The following AHCYL2 variants were observed in gnomAD, a reference collection of about 807,000 sequenced individuals.
AHCYL2 encodes S-adenosylhomocysteine hydrolase-like protein 2.
Under a neutral mutation model 81.4 loss-of-function variants are expected in AHCYL2, and 28 were observed. The observed-to-expected ratio is 0.34, with a 90% CI of 0.25 to 0.47. The LOEUF (loss-of-function observed/expected upper bound fraction) is 0.47. Ranked by LOEUF, AHCYL2 falls within the 20% of genes least tolerant of loss-of-function variation. AHCYL2 has a pLI of 1.00. For missense variants in AHCYL2, 551 were observed against 785.1 expected, an observed-to-expected ratio of 0.70 and a Z score of 3.56; for synonymous variants, 272 against 290.2, an observed-to-expected ratio of 0.94 and a Z score of 0.64.
chr7:129,361,221 G>A (rs191324466), intron 1 of AHCYL2, among the ~76,000 whole-genome samples: 6 of 152,228 alleles, frequency 3.9e-5, no homozygotes, highest in African/African-American at 1.4e-4. Context: ...GAGATATTAC[G>A]GAGTACATGT....
intron 1 of AHCYL2, among the ~76,000 whole-genome samples, chr7:129,271,380 G>T (rs1185970859): frequency 6.3e-5 from 8 of 126,028 alleles, no homozygotes; most frequent in Admixed American, 5.6e-4. Context: ...AAAAAAAAAA[G>T]AGTTTTAAAA....
chr7:129,370,743 C>T (rs1794367638), intron 1 of AHCYL2, among the ~76,000 whole-genome samples: 1 of 152,184 alleles, frequency 6.6e-6, no homozygotes, highest in African/African-American at 2.4e-5. Flanking sequence ...CAGCTCTGCT[C>T]TGTTCTGTTT....
chr7:129,360,549 C>T (rs1793896580), intron 1 of AHCYL2, among the ~76,000 whole-genome samples: 1 of 152,198 alleles, frequency 6.6e-6, no homozygotes, highest in Non-Finnish European at 1.5e-5. Flanking sequence ...TGGAAAGAGA[C>T]AAATGATCAA....
chr7:129,381,089 G>C (rs1274686932), intron 2 of AHCYL2, among the ~76,000 whole-genome samples: 1 of 152,092 alleles, frequency 6.6e-6, no homozygotes, highest in Admixed American at 6.6e-5. Context: ...TTCACAAACT[G>C]GTTAATGTAA....
At chr7:129,357,672 C>T (rs1051708753) in intron 1 of AHCYL2, among the ~76,000 whole-genome samples, 4 of 152,310 alleles carry the variant, frequency 2.6e-5, no homozygotes, top group Admixed American at 6.5e-5. Flanking sequence ...CAGTGGCTCA[C>T]GCCTGTAATC....
At chr7:129,340,217 T>C (rs1453030651) in intron 1 of AHCYL2, among the ~76,000 whole-genome samples, 5 of 146,008 alleles carry the variant, frequency 3.4e-5, no homozygotes, top group South Asian at 2.3e-4. Context: ...CCACCGCGCC[T>C]GGCCCCTTTT....
chr7:129,377,503 G>A (rs145149619), intron 1 of AHCYL2: 3 of 455,542 alleles, frequency 6.6e-6, no homozygotes, highest in Middle Eastern at 3.3e-4. Flanking sequence ...GTCCCTTGTC[G>A]CAATACTCAA....
At chr7:129,327,803 AT>A (rs1264756497) in intron 1 of AHCYL2, among the ~76,000 whole-genome samples, 2 of 148,758 alleles carry the variant, frequency 1.3e-5, no homozygotes, top group East Asian at 4.1e-4. Flanking sequence ...TATTATTATT[AT>A]TTTTTTTCAG....
chr7:129,422,034 C>G (rs1226160744), intron 12 of AHCYL2, among the ~76,000 whole-genome samples: 1 of 152,222 alleles, frequency 6.6e-6, no homozygotes, highest in African/African-American at 2.4e-5. Context: ...AACTCACTTT[C>G]TATTTTAGGC....
At chr7:129,307,051 G>A (rs1419483967) in intron 1 of AHCYL2, among the ~76,000 whole-genome samples, 1 of 152,182 alleles carries the variant, frequency 6.6e-6, no homozygotes. Context: ...GGTCAGTCCT[G>A]AAGCCAGTAA....
intron 2 of AHCYL2, among the ~76,000 whole-genome samples, chr7:129,387,385 G>C (rs535783653): frequency 6.6e-6 from 1 of 152,318 alleles, no homozygotes; most frequent in East Asian, 1.9e-4. Flanking sequence ...AAACGGATCA[G>C]CTCCACTTTA....
chr7:129,363,727 AG>A, intron 1 of AHCYL2, among the ~76,000 whole-genome samples: 1 of 152,076 alleles, frequency 6.6e-6, no homozygotes, highest in East Asian at 1.9e-4. Context: ...TAGTAGAGAC[AG>A]GGTTTCACCA....
chr7:129,337,776 T>G (rs1798656899), intron 1 of AHCYL2, among the ~76,000 whole-genome samples: 2 of 151,678 alleles, frequency 1.3e-5, no homozygotes, highest in Admixed American at 1.3e-4. Context: ...GGAGTTTTGC[T>G]CTTGTTGCCC....
chr7:129,265,652 A>G (rs1043877569), intron 1 of AHCYL2, among the ~76,000 whole-genome samples: 1 of 152,176 alleles, frequency 6.6e-6, no homozygotes, highest in Non-Finnish European at 1.5e-5. Flanking sequence ...AGCCAGTGTC[A>G]TGTATGGTGT....
At chr7:129,414,250 G>A (rs190011372) in intron 12 of AHCYL2, among the ~76,000 whole-genome samples, 123 of 152,182 alleles carry the variant, frequency 8.1e-4, no homozygotes, top group African/African-American at 2.9e-3. Context: ...TGTGTCTGCA[G>A]GTGTCATAAT....
intron 1 of AHCYL2, among the ~76,000 whole-genome samples, chr7:129,360,396 G>A (rs760707139): frequency 2.0e-5 from 3 of 152,176 alleles, no homozygotes; most frequent in Non-Finnish European, 4.4e-5. Flanking sequence ...GATTACAGGC[G>A]TGAGCCACCA....
At chr7:129,349,902 A>G (rs966560571) in intron 1 of AHCYL2, among the ~76,000 whole-genome samples, 2 of 152,204 alleles carry the variant, frequency 1.3e-5, no homozygotes, top group African/African-American at 4.8e-5. Context: ...GCCTCTATCA[A>G]TATTGATCAT....
intron 1 of AHCYL2, among the ~76,000 whole-genome samples, chr7:129,341,418 G>A (rs1793174599): frequency 6.6e-6 from 1 of 152,190 alleles, no homozygotes; most frequent in South Asian, 2.1e-4. Flanking sequence ...ACTTTCACAA[G>A]GGTAGAGGAA....
At chr7:129,234,029 TTC>T (rs1425431665) in intron 1 of AHCYL2, among the ~76,000 whole-genome samples, 4 of 151,954 alleles carry the variant, frequency 2.6e-5, no homozygotes, top group Non-Finnish European at 5.9e-5. Flanking sequence ...TCTATCTTTC[TTC>T]TCTCTCTTTC....
Sources: allele counts gnomAD v4.1 joint callset (sites outside exome capture counted in the v4.1 genomes callset), GRCh38; gene constraint gnomAD v4.1.1; transcripts MANE v1.5; gene names NCBI Gene and HGNC (gene_info 2026-07-23, HGNC 2026-07-21).